Variants in KCNH1 observed in about 807,000 individuals in gnomAD.
KCNH1 encodes the protein potassium voltage-gated channel subfamily H member 1, also known as voltage-gated delayed rectifier potassium channel KCNH1.
In KCNH1, 27 loss-of-function variants were observed where a neutral mutation model predicts 69.2. The observed-to-expected ratio is 0.39, with a 90% CI of 0.29 to 0.54. KCNH1 has a LOEUF of 0.54. Ranked by LOEUF, KCNH1 falls within the 20% of genes least tolerant of loss-of-function variation. The pLI, the probability that KCNH1 is intolerant of heterozygous loss-of-function variation, is 0.68. For missense variants in KCNH1, 798 were observed against 1,261.6 expected (o/e 0.63, Z 5.57); for synonymous variants, 456 against 487.7 (o/e 0.93, Z 0.86).
intron 5 of KCNH1, among the ~76,000 whole-genome samples, chr1:211,063,974 CATA>C (rs930370230): frequency 6.6e-5 from 10 of 152,024 alleles, no homozygotes; most frequent in African/African-American, 2.4e-4. Context: ...ATTATGTACC[CATA>C]ATAATTAAAA....
At chr1:210,924,655 C>A (rs1244853202) in intron 6 of KCNH1, among the ~76,000 whole-genome samples, 1 of 152,144 alleles carries the variant, frequency 6.6e-6, no homozygotes, top group Non-Finnish European at 1.5e-5. Context: ...AGAAAACATA[C>A]CTCATTCCTT....
intron 1 of KCNH1, among the ~76,000 whole-genome samples, chr1:211,124,346 G>A (rs1336932087): frequency 6.6e-6 from 1 of 152,092 alleles, no homozygotes; most frequent in African/African-American, 2.4e-5. Context: ...ATGACTGAAT[G>A]GTCTGCACAA....
intron 7 of KCNH1, among the ~76,000 whole-genome samples, chr1:210,805,606 C>T (rs976918351): frequency 1.3e-5 from 2 of 152,108 alleles, no homozygotes; most frequent in African/African-American, 2.4e-5. Flanking sequence ...AGATATAATT[C>T]ATACACCATA....
chr1:210,998,234 A>G (rs1388224265), intron 6 of KCNH1, among the ~76,000 whole-genome samples: 1 of 152,244 alleles, frequency 6.6e-6, no homozygotes, highest in Non-Finnish European at 1.5e-5. Context: ...ACAAAGAGTC[A>G]AGACCTATCA....
At chr1:210,878,549 A>G (rs1366108941) in intron 7 of KCNH1, among the ~76,000 whole-genome samples, 4 of 152,130 alleles carry the variant, frequency 2.6e-5, no homozygotes, top group Admixed American at 1.3e-4. Context: ...ACATGACTCA[A>G]AGAAGGAATC....
At chr1:210,959,098 G>A (rs567026910) in intron 6 of KCNH1, among the ~76,000 whole-genome samples, 1 of 152,278 alleles carries the variant, frequency 6.6e-6, no homozygotes, top group East Asian at 1.9e-4. Context: ...TGAGGTTTTG[G>A]TGTGGATGTC....
chr1:211,016,077 T>G (rs1250792033), intron 6 of KCNH1, among the ~76,000 whole-genome samples: 1 of 152,194 alleles, frequency 6.6e-6, no homozygotes, highest in Non-Finnish European at 1.5e-5. Context: ...ATCTATTTCA[T>G]GAATCTATAA....
intron 3 of KCNH1, among the ~76,000 whole-genome samples, chr1:211,097,449 T>G (rs1691177821): frequency 6.6e-6 from 1 of 151,994 alleles, no homozygotes; most frequent in African/African-American, 2.4e-5. Flanking sequence ...AAAAAAAAAG[T>G]TTAAAAAGTT....
rs565940225 is a variant in KCNH1, at chr1:210,683,179, G to A, written c.*102C>T. 11 of 1,148,120 alleles carry A rather than the reference G, an allele frequency of 9.6e-6. No homozygotes were observed. Among genetic ancestry groups the A allele is most frequent in the Non-Finnish European group, 1.1e-5 (9 of 809,690 alleles). 71.1% of individuals were successfully genotyped at this position (1,148,120 alleles called of 1,614,324 possible). On this transcript the variant is annotated 3_prime_UTR_variant, in exon 11 of 11. Transcript: ENST00000271751. The surrounding 1 kb of genome is among the most constrained non-coding windows in gnomAD (Gnocchi z 5.7). ...GGCCCCACTTTTTCTGTTAGGAAAA[G>A]CCTACTTGAAAATTGTTGGTCATGT...
At chr1:210,766,568 T>C (rs17188562) in intron 10 of KCNH1, among the ~76,000 whole-genome samples, 26,556 of 152,150 alleles carry the variant, frequency 0.17, 3,065 homozygotes, top group Non-Finnish European at 0.26. Context: ...GAGGTGATTG[T>C]TGCTAATTGG....
At chr1:210,759,182 TTA>T (rs746344046) in intron 10 of KCNH1, among the ~76,000 whole-genome samples, 1 of 104,864 alleles carries the variant, frequency 9.5e-6, no homozygotes, top group Admixed American at 9.1e-5. Flanking sequence ...CACACATATT[TTA>T]TATATATATA....
At chr1:211,016,598 C>T (rs1167363128) in intron 6 of KCNH1, among the ~76,000 whole-genome samples, 2 of 151,950 alleles carry the variant, frequency 1.3e-5, no homozygotes, top group Admixed American at 1.3e-4. Flanking sequence ...AAGTATGATT[C>T]CCAACATGTA....
intron 6 of KCNH1, among the ~76,000 whole-genome samples, chr1:210,976,956 G>A (rs1284013941): frequency 1.3e-5 from 2 of 150,188 alleles, no homozygotes; most frequent in African/African-American, 2.5e-5. Context: ...CCATTACTGG[G>A]TATATACCCA....
intron 1 of KCNH1, among the ~76,000 whole-genome samples, chr1:211,116,650 T>C (rs76680471): frequency 0.012 from 1,902 of 152,274 alleles, 43 homozygotes; most frequent in African/African-American, 0.043. Context: ...GCAAGAGGAA[T>C]CACTCTGTTT....
intron 5 of KCNH1, among the ~76,000 whole-genome samples, chr1:211,052,155 G>A (rs1453984002): frequency 2.0e-5 from 3 of 152,122 alleles, no homozygotes; most frequent in African/African-American, 7.2e-5. Context: ...AGCCCTCCTA[G>A]GGAAAAAGCA....
At chr1:210,780,871 C>A (rs1683964403) in intron 9 of KCNH1, among the ~76,000 whole-genome samples, 1 of 152,150 alleles carries the variant, frequency 6.6e-6, no homozygotes, top group Non-Finnish European at 1.5e-5. Context: ...CACGGTGAAA[C>A]CCCGTCTCTA....
At chr1:211,083,755 A>G (rs1376047221) in intron 4 of KCNH1, among the ~76,000 whole-genome samples, 1 of 152,216 alleles carries the variant, frequency 6.6e-6, no homozygotes, top group Admixed American at 6.5e-5. Flanking sequence ...AGCTAAAAGC[A>G]GGACTAGATG....
intron 5 of KCNH1, among the ~76,000 whole-genome samples, chr1:211,032,736 C>A (rs1202654867): frequency 6.6e-6 from 1 of 152,178 alleles, no homozygotes; most frequent in African/African-American, 2.4e-5. Flanking sequence ...TGGATCCCTT[C>A]CTTACACCTT....
chr1:210,716,387 G>C (rs563118272), intron 10 of KCNH1, among the ~76,000 whole-genome samples: 2 of 138,140 alleles, frequency 1.4e-5, no homozygotes, highest in Non-Finnish European at 3.0e-5. Flanking sequence ...AGCAGAGATT[G>C]TGCCACTGCA....
Sources: allele counts gnomAD v4.1 joint callset (sites outside exome capture counted in the v4.1 genomes callset), GRCh38; gene constraint gnomAD v4.1.1; non-coding constraint Gnocchi (gnomAD v3.1); transcripts MANE v1.5; gene names NCBI Gene and HGNC (gene_info 2026-07-23, HGNC 2026-07-21).